The following ESRP1 variants were observed in gnomAD, a reference collection of about 807,000 sequenced individuals.
The protein encoded by ESRP1 is RNA-binding motif protein 35A.
Under a neutral mutation model 81.7 loss-of-function variants are expected in ESRP1, and 33 were observed. That is an observed-to-expected ratio of 0.40 (90% CI 0.31 to 0.54). The LOEUF (loss-of-function observed/expected upper bound fraction) is 0.54. Ranked by LOEUF, ESRP1 falls within the 20% of genes least tolerant of loss-of-function variation. ESRP1 has a pLI of 0.41. For missense variants in ESRP1, 672 were observed against 833.1 expected, an observed-to-expected ratio of 0.81 and a Z score of 2.38; for synonymous variants, 320 against 303.3, an observed-to-expected ratio of 1.06 and a Z score of -0.57.
intron 9 of ESRP1, among the ~76,000 whole-genome samples, chr8:94,665,934 C>T (rs1432900264): frequency 2.0e-5 from 3 of 152,096 alleles, no homozygotes; most frequent in Non-Finnish European, 4.4e-5. Flanking sequence ...TTTTGGGTCT[C>T]GTAGTATTTT....
chr8:94,672,374 C>A (rs1237003162), intron 11 of ESRP1, among the ~76,000 whole-genome samples: 2 of 152,060 alleles, frequency 1.3e-5, no homozygotes, highest in African/African-American at 4.8e-5. Flanking sequence ...TAACTGAATT[C>A]TTCCATATGC....
At chr8:94,667,118 G>A (rs755837821) in intron 9 of ESRP1, among the ~76,000 whole-genome samples, 16 of 140,210 alleles carry the variant, frequency 1.1e-4, no homozygotes, top group Non-Finnish European at 1.5e-4. Context: ...CTGGGAGGCC[G>A]AGGCAGGAGA....
At chr8:94,680,826 A>G (rs931788910) in intron 13 of ESRP1, among the ~76,000 whole-genome samples, 6 of 152,192 alleles carry the variant, frequency 3.9e-5, no homozygotes, top group Non-Finnish European at 7.3e-5. Flanking sequence ...CTCCACTCTG[A>G]TAAGTGGGAA....
chr8:94,677,431 G>A (rs574113443), intron 12 of ESRP1, among the ~76,000 whole-genome samples: 4 of 152,260 alleles, frequency 2.6e-5, no homozygotes, highest in African/African-American at 9.6e-5. Flanking sequence ...CTGGTCTTCT[G>A]TTTCTAAACC....
chr8:94,670,493 G>A (rs1487383603), intron 10 of ESRP1, among the ~76,000 whole-genome samples: 1 of 152,152 alleles, frequency 6.6e-6, no homozygotes, highest in East Asian at 1.9e-4. Flanking sequence ...TGTGAGTGGG[G>A]AAATTAGTGC....
chr8:94,673,173 G>T (rs534679784), intron 11 of ESRP1, among the ~76,000 whole-genome samples: 1 of 152,280 alleles, frequency 6.6e-6, no homozygotes, highest in East Asian at 1.9e-4. Flanking sequence ...ACTGGTAGCA[G>T]TTCTTTTGAA....
chr8:94,678,001 G>GT (rs899264468), intron 12 of ESRP1, among the ~76,000 whole-genome samples: 2 of 152,128 alleles, frequency 1.3e-5, no homozygotes, highest in African/African-American at 2.4e-5. Context: ...GCAAAGAACT[G>GT]TTTTTTAGGT....
intron 14 of ESRP1, among the ~76,000 whole-genome samples, chr8:94,693,905 C>T (rs1289197667): frequency 6.6e-6 from 1 of 152,106 alleles, no homozygotes; most frequent in East Asian, 1.9e-4. Context: ...ATGAAGGACA[C>T]TTTCTGACAA....
intron 15 of ESRP1, among the ~76,000 whole-genome samples, chr8:94,700,847 T>C (rs1442586427): frequency 6.6e-6 from 1 of 151,686 alleles, no homozygotes; most frequent in Non-Finnish European, 1.5e-5. Flanking sequence ...GAGAATGGCA[T>C]GAACCCGGAA....
chr8:94,655,709 G>C (rs555504801), intron 4 of ESRP1, among the ~76,000 whole-genome samples: 1 of 151,876 alleles, frequency 6.6e-6, no homozygotes, highest in African/African-American at 2.4e-5. Context: ...CTGACCATCT[G>C]GTGAAACCCT....
chr8:94,665,274 G>A (rs2130617309), intron 9 of ESRP1, 78 bp downstream of exon 9: 1 of 1,359,354 alleles, frequency 7.4e-7, no homozygotes, highest in Non-Finnish European at 1.0e-6. Context: ...GCAAGAGTAG[G>A]TGAATAGGGT....
rs150892428 is a variant in ESRP1, at chr8:94,692,390, G to A, written c.1821-287G>A. Among the ~76,000 whole-genome samples the A allele has an allele frequency of 2.7e-4, 41 of 152,088 alleles. 1 individual carries two copies. The East Asian group carries it at 7.8e-3, about 29-fold the overall frequency. ...GGCCTCGGAAGTGGTGCTTTGCGGT[G>A]GAGTTGACATGAGGCTTACTTCTGT... On this transcript the variant is annotated intron_variant, in intron 13 of 15. Coordinates refer to ENST00000433389, the MANE Select transcript of ESRP1 (RefSeq NM_017697.4).
intron 9 of ESRP1, among the ~76,000 whole-genome samples, chr8:94,667,574 C>T (rs537024381): frequency 6.6e-6 from 1 of 152,212 alleles, no homozygotes; most frequent in African/African-American, 2.4e-5. Context: ...CATAGGCAAT[C>T]TTACAGACAA....
At chr8:94,642,424 A>G (rs1817654567) in intron 2 of ESRP1, among the ~76,000 whole-genome samples, 1 of 152,170 alleles carries the variant, frequency 6.6e-6, no homozygotes, top group Non-Finnish European at 1.5e-5. Flanking sequence ...CAGACCCCAG[A>G]CGCGCCGCTC....
chr8:94,679,075 G>T (rs541233605), intron 13 of ESRP1, among the ~76,000 whole-genome samples: 26 of 152,306 alleles, frequency 1.7e-4, no homozygotes, highest in African/African-American at 4.8e-4. Flanking sequence ...TAACCTGTCT[G>T]ATCCTACAGC....
intron 3 of ESRP1, among the ~76,000 whole-genome samples, chr8:94,644,714 A>AT (rs1196091024): frequency 6.6e-6 from 1 of 152,168 alleles, no homozygotes; most frequent in Non-Finnish European, 1.5e-5. Flanking sequence ...CTGGAGAAAA[A>AT]TTAAGACTTT....
chr8:94,643,217 TCTCTGGCTATCACCAAGGGGA>T, intron 2 of ESRP1, 65 bp from the exon 3 acceptor site: 1 of 903,844 alleles, frequency 1.1e-6, no homozygotes, highest in East Asian at 2.5e-5. Context: ...ATTGCGGTTT[TCTCTGGCTATCACCAAGGGGA>T]GCTACTTTGC....
Position 94,646,290 on chromosome 8 carries a change from T to TA in ESRP1, c.490+8_490+9insA, listed in dbSNP as rs1428436276. The TA allele has an allele frequency of 1.3e-6, 2 of 1,503,412 alleles. No homozygotes were observed. Among genetic ancestry groups the TA allele is most frequent in the Admixed American group, 1.8e-5 (1 of 56,334 alleles). 93.1% of individuals were successfully genotyped at this position (1,503,412 alleles called of 1,614,324 possible). On this transcript the variant is annotated intron_variant, in intron 4 of 15. Transcript: ENST00000433389. The stretch of plus-strand genomic sequence containing the variant: ...TTGCCACAATGACAGAGTGTATCCT[T>TA]TAAATCATTACTCAAGAATCATTTG...
At chr8:94,641,580 A>G (rs1287389545) in intron 1 of ESRP1, 130 bp downstream of exon 1, 2 of 1,315,332 alleles carry the variant, frequency 1.5e-6, no homozygotes, top group Non-Finnish European at 2.1e-6. Context: ...TCTGGACCCG[A>G]GGCCTAGGGA....
Sources: allele counts gnomAD v4.1 joint callset (sites outside exome capture counted in the v4.1 genomes callset), GRCh38; gene constraint gnomAD v4.1.1; transcripts MANE v1.5; gene names NCBI Gene and HGNC (gene_info 2026-07-23, HGNC 2026-07-21).